The following ZNF595 variants were observed in gnomAD, a reference collection of about 807,000 sequenced individuals.
ZNF595 encodes zinc finger protein 595.
A neutral mutation model predicts 19.4 loss-of-function variants in ZNF595; 9 were observed. The ratio of observed to expected loss-of-function variants is 0.46; its 90% CI spans 0.28 to 0.81. The LOEUF (loss-of-function observed/expected upper bound fraction) is 0.81. Among genes scored for constraint, ZNF595 ranks in the 30% least tolerant of loss-of-function variants. ZNF595 has a pLI of 0.11. For synonymous variants in ZNF595, 255 were observed against 255.9 expected, an observed-to-expected ratio of 1.00 and a Z score of 0.03; for missense variants, 729 against 736.0, an observed-to-expected ratio of 0.99 and a Z score of 0.11.
In ZNF595 at chr4:85,942, A is replaced by G. The variant is rs782087239; in HGVS notation, c.438A>G (p.Gln146=). Residue 146 remains glutamine (Q), a synonymous_variant, in exon 4 of 4, where the codon CAA becomes CAG. Transcript: ENST00000610261. ...CAACTACCCAGAGCAAAATATTTCA[A>G]TGTAATACATGTGTTAAAGTTTTTA... is the stretch of plus-strand genomic sequence containing the variant. ...CLSTTQSKIF[Q]CNTCVKVFSK... is the part of the protein sequence containing the mutation. 30 of 1,612,328 alleles carry G rather than the reference A, an allele frequency of 1.9e-5. No individual in the cohort carries two copies. The highest frequency in any genetic ancestry group is 8.4e-5 in the Admixed American group (5 of 59,606).
chr4:72,624 G>A (rs561663348), intron 3 of ZNF595, among the ~76,000 whole-genome samples: 2 of 152,250 alleles, frequency 1.3e-5, no homozygotes, highest in East Asian at 1.9e-4. Context: ...TTAATTATTT[G>A]TTATTATGGA....
At chr4:83,926 T>C (rs904354338) in intron 3 of ZNF595, among the ~76,000 whole-genome samples, 1 of 152,120 alleles carries the variant, frequency 6.6e-6, no homozygotes, top group Admixed American at 6.5e-5. Context: ...ATTGTATTTT[T>C]GTCCCTTATT....
chr4:72,199 AAATGTG>A (rs1268522079), intron 3 of ZNF595, among the ~76,000 whole-genome samples: 1 of 152,230 alleles, frequency 6.6e-6, no homozygotes, highest in Non-Finnish European at 1.5e-5. Context: ...AGAGGCATAC[AAATGTG>A]AATTTTAAAA....
chr4:72,167 A>C (rs193197056), intron 3 of ZNF595, among the ~76,000 whole-genome samples: 1 of 152,344 alleles, frequency 6.6e-6, no homozygotes, highest in East Asian at 1.9e-4. Flanking sequence ...GTAGAGCTTG[A>C]AAAATAGAAA....
At chr4:76,510 T>G (rs2108757564) in intron 3 of ZNF595, among the ~76,000 whole-genome samples, 1 of 152,314 alleles carries the variant, frequency 6.6e-6, no homozygotes, top group Non-Finnish European at 1.5e-5. Flanking sequence ...GCCTTCTATA[T>G]TTGACTATAT....
intron 3 of ZNF595, among the ~76,000 whole-genome samples, chr4:82,364 G>C (rs1713943637): frequency 7.6e-6 from 1 of 131,010 alleles, no homozygotes; most frequent in Non-Finnish European, 1.6e-5. Flanking sequence ...CCATTTTTTT[G>C]GTTTGTGGTT....
chr4:75,366 G>A (rs1713612823), intron 3 of ZNF595, among the ~76,000 whole-genome samples: 1 of 152,152 alleles, frequency 6.6e-6, no homozygotes, highest in Non-Finnish European at 1.5e-5. Context: ...CATGACTGAA[G>A]GCTTGAGGAT....
At chr4:61,334 C>T (rs1298179529) in intron 3 of ZNF595, among the ~76,000 whole-genome samples, 2 of 152,380 alleles carry the variant, frequency 1.3e-5, no homozygotes, top group East Asian at 3.9e-4. Context: ...CGGGGTTTCA[C>T]CATGTCGGCC....
Position 86,786 on chromosome 4 carries a change from G to C in ZNF595, c.1282G>C (p.Glu428Gln), listed in dbSNP as rs1262246754. Residue 428 changes from glutamate (E) to glutamine (Q), a missense_variant, in exon 4 of 4, where the codon GAA becomes CAA. By Grantham distance (29) the Glu-to-Gln change is conservative (BLOSUM62 2). Transcript: ENST00000610261. ...HTGEKPYTCE[E>Q]CGKAFNQSST... ...TGGAGAGAAACCCTACACGTGCGAAGAATGTGGCAAAGCTTTTAACCAATC... is the reference window on the plus strand; with the variant it reads ...TGGAGAGAAACCCTACACGTGCGAACAATGTGGCAAAGCTTTTAACCAATC... The C allele has an allele frequency of 3.1e-6, 5 of 1,613,198 alleles. No homozygotes were observed. In the African/African-American group the frequency reaches 5.4e-5, roughly 17 times the overall value.
intron 3 of ZNF595, among the ~76,000 whole-genome samples, chr4:66,772 A>G (rs1713132807): frequency 6.6e-6 from 1 of 152,174 alleles, no homozygotes. Context: ...TTTGTTTTTG[A>G]GTTCTGTGTT....
In ZNF595 at chr4:87,723, T is replaced by A. The variant is rs984705585; in HGVS notation, c.*272T>A. ...TCCAGTTATACACTTTAATTTTTTT[T>A]TTTTTTTTTTTTTTTGAGACAGAGT... On this transcript the variant is annotated 3_prime_UTR_variant, in exon 4 of 4. Transcript: ENST00000610261. 3.5e-5 allele frequency: 7 copies of A among 198,124 alleles called. No individual in the cohort carries two copies. Among genetic ancestry groups the A allele is most frequent in the Non-Finnish European group, 5.9e-5 (6 of 101,410 alleles). The allele number at this position is 198,124 out of a possible 1,614,324, so 12.3% of individuals were successfully genotyped here. A position where few individuals can be genotyped will look rare whatever the true frequency, so the allele number is the denominator to read the frequency against.
intron 3 of ZNF595, among the ~76,000 whole-genome samples, chr4:71,635 G>T (rs539694140): frequency 7.9e-5 from 12 of 152,278 alleles, no homozygotes; most frequent in African/African-American, 2.6e-4. Context: ...ATAGGGTAGA[G>T]CCTCACGGGA....
chr4:82,387 T>TGG (rs1713952005), intron 3 of ZNF595, among the ~76,000 whole-genome samples: 4 of 117,082 alleles, frequency 3.4e-5, no homozygotes, highest in African/African-American at 1.5e-4. Context: ...TTTTTTTTTT[T>TGG]TTTTTTTTTT....
Position 83,310 on chromosome 4 carries a change from A to G in ZNF595, c.227-2421A>G, listed in dbSNP as rs145051934. Among the ~76,000 whole-genome samples the G allele has an allele frequency of 4.6e-3, 696 of 152,140 alleles. 4 individuals are homozygous for G. Among genetic ancestry groups the G allele is most frequent in the African/African-American group, 0.016 (660 of 41,502 alleles). ...CAGTCTCCTTTAATCATTAGATCTC[A>G]AGTGACTCTTGTGAAAAAGCAAGTT... is the stretch of plus-strand genomic sequence containing the variant. On this transcript the variant is annotated intron_variant, in intron 3 of 3. Coordinates refer to ENST00000610261, the MANE Select transcript of ZNF595 (RefSeq NM_182524.4).
At chr4:64,593 C>T (rs1394331343) in intron 3 of ZNF595, among the ~76,000 whole-genome samples, 35 of 150,802 alleles carry the variant, frequency 2.3e-4, no homozygotes, top group African/African-American at 8.5e-4. Context: ...GCTGCTAGGT[C>T]TGTTGTTTAA....
In ZNF595 at chr4:85,701, G is replaced by A. The variant is rs540406014; in HGVS notation, c.227-30G>A. On this transcript the variant is annotated intron_variant, in intron 3 of 3. Transcript: ENST00000610261. ...GTATATTCATATGAATCTAGTAAGT[G>A]GGATAATTTGTTATTTTTATTTCTT... 91 of 1,523,212 alleles carry A rather than the reference G, an allele frequency of 6.0e-5. No homozygotes were observed. In the South Asian group the frequency reaches 1.2e-3, roughly 19 times the overall value. 94.4% of individuals were successfully genotyped at this position (1,523,212 alleles called of 1,614,324 possible). A position where few individuals can be genotyped will look rare whatever the true frequency, so the allele number is the denominator to read the frequency against.
In ZNF595 at chr4:85,723, T is replaced by C. The variant is rs1410403925; in HGVS notation, c.227-8T>C. The C allele has an allele frequency of 6.5e-7, 1 of 1,536,868 alleles. No individual in the cohort carries two copies. The highest frequency in any genetic ancestry group is 1.4e-5 in the African/African-American group (1 of 71,940). On this transcript the variant is annotated splice_region_variant and splice_polypyrimidine_tract_variant and intron_variant, in intron 3 of 3. Coordinates refer to ENST00000610261, the MANE Select transcript of ZNF595 (RefSeq NM_182524.4). ...AGTGGGATAATTTGTTATTTTTATT[T>C]CTTTCAGCTATATGTTCTCCTTTCA...
At chr4:83,641 A>G (rs797039590) in intron 3 of ZNF595, among the ~76,000 whole-genome samples, 1 of 140,376 alleles carries the variant, frequency 7.1e-6, no homozygotes, top group African/African-American at 2.9e-5. Flanking sequence ...AAAAAAAAAA[A>G]AAAAGAAAGA....
intron 1 of ZNF595, among the ~76,000 whole-genome samples, chr4:55,219 T>C (rs1712581431): frequency 1.3e-5 from 2 of 151,044 alleles, no homozygotes; most frequent in Non-Finnish European, 3.0e-5. Context: ...CTCCTTTCTC[T>C]TCTGCTTTTT....
Sources: allele counts gnomAD v4.1 joint callset (sites outside exome capture counted in the v4.1 genomes callset), GRCh38; gene constraint gnomAD v4.1.1; transcripts MANE v1.5; gene names NCBI Gene and HGNC (gene_info 2026-07-23, HGNC 2026-07-21).